The following CACNA1E variants were observed in gnomAD, a reference collection of about 807,000 sequenced individuals.
CACNA1E encodes the protein voltage-dependent R-type calcium channel subunit alpha-1E.
A neutral mutation model predicts 259.2 loss-of-function variants in CACNA1E; 40 were observed. The ratio of observed to expected loss-of-function variants is 0.15; its 90% CI spans 0.12 to 0.20. CACNA1E has a LOEUF of 0.20. CACNA1E is among the 10% of genes least tolerant of loss of function. The pLI, the probability that CACNA1E is intolerant of heterozygous loss-of-function variation, is 1.00. For missense variants in CACNA1E, 1,874 were observed against 3,040.1 expected, an observed-to-expected ratio of 0.62 and a Z score of 9.02; for synonymous variants, 1,104 against 1,138.5, an observed-to-expected ratio of 0.97 and a Z score of 0.61.
intron 1 of CACNA1E, among the ~76,000 whole-genome samples, chr1:181,329,345 A>G (rs917569820): frequency 2.6e-5 from 4 of 152,144 alleles, no homozygotes; most frequent in Admixed American, 2.6e-4. Context: ...AAGCTCCACA[A>G]GGAAGCCTGC....
intron 2 of CACNA1E, among the ~76,000 whole-genome samples, chr1:181,430,264 G>T (rs1183612594): frequency 6.6e-6 from 1 of 152,188 alleles, no homozygotes; most frequent in East Asian, 1.9e-4. Context: ...ATTAAGGAGT[G>T]TGGACAAAGG....
At chr1:181,715,462 C>T in intron 9 of CACNA1E, 71 bp downstream of exon 9, 1 of 826,254 alleles carries the variant, frequency 1.2e-6, no homozygotes, top group Non-Finnish European at 2.0e-6. Flanking sequence ...CTCTGTTATT[C>T]AAAAGGAGAG....
At chr1:181,762,968 T>G (rs1260448922) in intron 33 of CACNA1E, among the ~76,000 whole-genome samples, 1 of 152,232 alleles carries the variant, frequency 6.6e-6, no homozygotes, top group Non-Finnish European at 1.5e-5. Context: ...GGAGGCACAG[T>G]ATCTTTGCCC....
intron 6 of CACNA1E, among the ~76,000 whole-genome samples, chr1:181,609,994 C>T (rs1654594758): frequency 6.6e-6 from 1 of 152,200 alleles, no homozygotes; most frequent in South Asian, 2.1e-4. Flanking sequence ...CTCCCCATCC[C>T]ATGTCTTGTT....
At chr1:181,329,587 A>G (rs1651076071) in intron 1 of CACNA1E, among the ~76,000 whole-genome samples, 1 of 151,776 alleles carries the variant, frequency 6.6e-6, no homozygotes, top group African/African-American at 2.4e-5. Context: ...ATAATCTCCC[A>G]TCCTCTCACT....
At chr1:181,545,389 G>A (rs1423758002) in intron 3 of CACNA1E, among the ~76,000 whole-genome samples, 1 of 152,188 alleles carries the variant, frequency 6.6e-6, no homozygotes, top group Non-Finnish European at 1.5e-5. Context: ...CATTTTAGAT[G>A]TTCGTCCATT....
chr1:181,415,346 TG>T (rs1449246163), intron 2 of CACNA1E, among the ~76,000 whole-genome samples: 1 of 152,136 alleles, frequency 6.6e-6, no homozygotes, highest in African/African-American at 2.4e-5. Context: ...GCCACCTACC[TG>T]GGGTGCTGGC....
chr1:181,514,353 G>T (rs1243397263), intron 3 of CACNA1E, among the ~76,000 whole-genome samples: 1 of 152,202 alleles, frequency 6.6e-6, no homozygotes, highest in Non-Finnish European at 1.5e-5. Context: ...ACCAACCAGG[G>T]AGGCAGGCAA....
At chr1:181,781,552 T>A (rs1427583562) in intron 39 of CACNA1E, 29 bp downstream of exon 39, 4 of 1,138,706 alleles carry the variant, frequency 3.5e-6, no homozygotes, top group Non-Finnish European at 5.2e-6. Flanking sequence ...TGCTCTGGGC[T>A]ACAGACCAAC....
intron 3 of CACNA1E, among the ~76,000 whole-genome samples, chr1:181,571,464 T>G (rs1650403509): frequency 6.6e-6 from 1 of 152,080 alleles, no homozygotes; most frequent in South Asian, 2.1e-4. Flanking sequence ...TCCAAGAGAT[T>G]TAAAGGAAGG....
At chr1:181,344,694 G>C (rs1258872791) in intron 1 of CACNA1E, among the ~76,000 whole-genome samples, 3 of 152,202 alleles carry the variant, frequency 2.0e-5, no homozygotes, top group Non-Finnish European at 4.4e-5. Flanking sequence ...ACCTCCACTT[G>C]ACATGAATGT....
intron 7 of CACNA1E, among the ~76,000 whole-genome samples, chr1:181,686,412 G>A (rs1213448391): frequency 5.4e-5 from 8 of 149,184 alleles, no homozygotes; most frequent in East Asian, 2.0e-4. Flanking sequence ...TCAGCCTCCC[G>A]AGTAGCTGGG....
intron 25 of CACNA1E, among the ~76,000 whole-genome samples, chr1:181,750,221 C>A (rs542531868): frequency 8.5e-5 from 13 of 152,266 alleles, no homozygotes; most frequent in African/African-American, 3.1e-4. Flanking sequence ...AGAGGGCCTT[C>A]GCCCCTGCAG....
chr1:181,500,955 C>A lies in CACNA1E; in HGVS notation c.267-9522C>A, dbSNP rs191469110. On this transcript the variant is annotated intron_variant, in intron 1 of 47. Transcript: ENST00000367573. The stretch of plus-strand genomic sequence containing the variant: ...TAGTCTTGGGTGGGGTTGCTGATTG[C>A]ACCTCATAGTCATCTTCCCTGAAAT... Among the ~76,000 whole-genome samples the A allele has an allele frequency of 2.7e-5, 4 of 150,328 alleles. No individual in the cohort carries two copies. The East Asian group carries it at 8.0e-4, about 30-fold the overall frequency.
intron 17 of CACNA1E, among the ~76,000 whole-genome samples, chr1:181,725,627 T>TG (rs1654830077): frequency 6.6e-6 from 1 of 152,200 alleles, no homozygotes; most frequent in Admixed American, 6.5e-5. Context: ...GACACTACAA[T>TG]GGGGCACTCA....
intron 43 of CACNA1E, among the ~76,000 whole-genome samples, chr1:181,787,510 T>C (rs1217409980): frequency 6.6e-6 from 1 of 152,236 alleles, no homozygotes; most frequent in Non-Finnish European, 1.5e-5. Flanking sequence ...AGGATCACTC[T>C]GTCTTTTCTC....
intron 7 of CACNA1E, among the ~76,000 whole-genome samples, chr1:181,697,254 G>A (rs554634780): frequency 6.6e-6 from 1 of 152,342 alleles, no homozygotes; most frequent in East Asian, 1.9e-4. Flanking sequence ...GGCCTCAGGT[G>A]GCACAGGTCC....
chr1:181,368,610 G>T (rs1385790769), intron 1 of CACNA1E, among the ~76,000 whole-genome samples: 1 of 152,124 alleles, frequency 6.6e-6, no homozygotes, highest in Admixed American at 6.5e-5. Context: ...TGAGGATGGA[G>T]AAAAGGAGAT....
At chr1:181,635,827 C>G (rs954699815) in intron 6 of CACNA1E, among the ~76,000 whole-genome samples, 6 of 152,202 alleles carry the variant, frequency 3.9e-5, no homozygotes, top group Non-Finnish European at 7.3e-5. Flanking sequence ...ATTCATAGAA[C>G]AGATGTTTAT....
Sources: gnomAD v4.1 joint callset for allele counts (sites outside exome capture counted in the v4.1 genomes callset) on GRCh38, gnomAD v4.1.1 for gene constraint, MANE v1.5 for transcripts, NCBI Gene and HGNC (gene_info 2026-07-23, HGNC 2026-07-21) for gene names.